PLXNC1: variants seen among roughly 807,000 people sequenced by gnomAD.
PLXNC1 encodes plexin C1.
A neutral mutation model predicts 178.2 loss-of-function variants in PLXNC1; 75 were observed. The observed-to-expected ratio is 0.42, with a 90% confidence interval of 0.35 to 0.51. PLXNC1 has a LOEUF of 0.51. PLXNC1 is among the 20% of genes least tolerant of loss of function. The pLI is 0.02. For missense variants in PLXNC1, 1,503 were observed against 1,984.4 expected (o/e 0.76, Z 4.61); for synonymous variants, 790 against 779.9 (o/e 1.01, Z -0.22).
At chr12:94,271,781 T>A (rs2136107558) in intron 21 of PLXNC1, among the ~76,000 whole-genome samples, 1 of 152,360 alleles carries the variant, frequency 6.6e-6, no homozygotes, top group South Asian at 2.1e-4. Flanking sequence ...TGCTTTTCTC[T>A]TGTCTCCTGT....
At chr12:94,206,056 C>T (rs982623498) in intron 4 of PLXNC1, among the ~76,000 whole-genome samples, 1 of 152,270 alleles carries the variant, frequency 6.6e-6, no homozygotes, top group East Asian at 1.9e-4. Flanking sequence ...CCCATCAGTG[C>T]CTGGCACACA....
At chr12:94,286,506 A>G (rs764745278) in intron 23 of PLXNC1, among the ~76,000 whole-genome samples, 8 of 152,068 alleles carry the variant, frequency 5.3e-5, no homozygotes, top group Non-Finnish European at 1.2e-4. Context: ...GTTAAAGAAA[A>G]AATTTTCTCT....
At chr12:94,247,856 G>A in intron 12 of PLXNC1, 47 bp from the exon 13 acceptor site, 1 of 1,549,244 alleles carries the variant, frequency 6.5e-7, no homozygotes, top group Non-Finnish European at 8.9e-7. Context: ...GATCACAGCT[G>A]GGATTCGTTA....
At chr12:94,246,325 C>T (rs542485353) in intron 12 of PLXNC1, among the ~76,000 whole-genome samples, 71 of 152,288 alleles carry the variant, frequency 4.7e-4, no homozygotes, top group African/African-American at 1.5e-3. Flanking sequence ...ACAGTAGCTC[C>T]CTTTGGGCTG....
chr12:94,156,621 G>T (rs1015707705), intron 1 of PLXNC1, among the ~76,000 whole-genome samples: 2 of 151,864 alleles, frequency 1.3e-5, no homozygotes, highest in African/African-American at 4.8e-5. Flanking sequence ...GGGACCACAG[G>T]CGGGTGCTAT....
chr12:94,221,069 C>T (rs978453430), intron 6 of PLXNC1, among the ~76,000 whole-genome samples: 3 of 152,318 alleles, frequency 2.0e-5, no homozygotes, highest in South Asian at 2.1e-4. Flanking sequence ...AAGGTTTAAG[C>T]CGGAGGCTGG....
chr12:94,263,108 T>G (rs1282524610), intron 20 of PLXNC1, among the ~76,000 whole-genome samples: 1 of 152,114 alleles, frequency 6.6e-6, no homozygotes, highest in East Asian at 1.9e-4. Flanking sequence ...CGGCTGTGGC[T>G]CGCCTAAAAG....
intron 27 of PLXNC1, among the ~76,000 whole-genome samples, chr12:94,299,015 GT>G (rs1968205129): frequency 6.6e-6 from 1 of 152,168 alleles, no homozygotes; most frequent in Non-Finnish European, 1.5e-5. Flanking sequence ...AAGATAAACT[GT>G]TATCTTTGGT....
intron 2 of PLXNC1, among the ~76,000 whole-genome samples, chr12:94,176,871 C>T (rs1962067849): frequency 6.6e-6 from 1 of 151,582 alleles, no homozygotes; most frequent in Non-Finnish European, 1.5e-5. Context: ...GATATATGTA[C>T]ATATTTCATA....
intron 1 of PLXNC1, chr12:94,168,148 G>A (rs1241358037): frequency 6.6e-6 from 1 of 152,226 alleles, no homozygotes; most frequent in East Asian, 1.9e-4. Flanking sequence ...GCTTACTGAA[G>A]TTTGCTGGCT....
chr12:94,289,938 G>A (rs1967116229), intron 23 of PLXNC1, among the ~76,000 whole-genome samples: 1 of 152,200 alleles, frequency 6.6e-6, no homozygotes, highest in African/African-American at 2.4e-5. Flanking sequence ...CTTGGTACAA[G>A]CTGTGTCTAT....
chr12:94,192,295 G>A (rs1008085855), intron 4 of PLXNC1, among the ~76,000 whole-genome samples: 1 of 152,036 alleles, frequency 6.6e-6, no homozygotes, highest in African/African-American at 2.4e-5. Context: ...CTTATCAATG[G>A]CCAACATTCA....
At chr12:94,217,855 G>T (rs952805626) in intron 5 of PLXNC1, among the ~76,000 whole-genome samples, 2 of 152,222 alleles carry the variant, frequency 1.3e-5, no homozygotes, top group East Asian at 1.9e-4. Flanking sequence ...ATAGCTGTTT[G>T]GTTCACTGGT....
intron 4 of PLXNC1, among the ~76,000 whole-genome samples, chr12:94,189,524 A>G (rs144251597): frequency 1.3e-5 from 2 of 152,230 alleles, no homozygotes; most frequent in African/African-American, 4.8e-5. Flanking sequence ...TACAAAAAAT[A>G]TGAACATTAG....
chr12:94,267,209 A>G (rs1287606819), intron 21 of PLXNC1, among the ~76,000 whole-genome samples: 1 of 152,224 alleles, frequency 6.6e-6, no homozygotes, highest in Non-Finnish European at 1.5e-5. Flanking sequence ...CAGTCATGAG[A>G]CAACACCGGA....
intron 4 of PLXNC1, among the ~76,000 whole-genome samples, chr12:94,193,255 G>A (rs936815351): frequency 1.3e-5 from 2 of 152,192 alleles, no homozygotes; most frequent in African/African-American, 4.8e-5. Context: ...GTTTTAGAAC[G>A]AGAACTCTGG....
In PLXNC1 at chr12:94,172,835, A is replaced by G. The variant is rs140431783; in HGVS notation, c.1203+3542A>G. Reference sequence around the variant, plus strand: ...GGAAGACGGCATTACCTCCAAAGGTAAGATTTCACTGATAATCTGTGAAGA... The same window carrying G: ...GGAAGACGGCATTACCTCCAAAGGTGAGATTTCACTGATAATCTGTGAAGA... On this transcript the variant is annotated intron_variant, in intron 2 of 30. Transcript: ENST00000258526. Among the ~76,000 whole-genome samples, 244 of 152,332 alleles carry G rather than the reference A, an allele frequency of 1.6e-3. 2 individuals carry two copies. Among genetic ancestry groups the G allele is most frequent in the African/African-American group, 5.6e-3 (233 of 41,570 alleles).
intron 4 of PLXNC1, among the ~76,000 whole-genome samples, chr12:94,187,488 G>C (rs1015464273): frequency 2.0e-5 from 3 of 152,200 alleles, no homozygotes; most frequent in Admixed American, 2.0e-4. Context: ...TGCAGCAAGA[G>C]GAATAATTGC....
chr12:94,234,846 G>T (rs1044451493), intron 9 of PLXNC1, among the ~76,000 whole-genome samples: 3 of 152,196 alleles, frequency 2.0e-5, no homozygotes, highest in Non-Finnish European at 4.4e-5. Flanking sequence ...TATTGAATGT[G>T]TAGAACCTTT....
Sources: gnomAD v4.1 joint callset for allele counts (sites outside exome capture counted in the v4.1 genomes callset) on GRCh38, gnomAD v4.1.1 for gene constraint, MANE v1.5 for transcripts, NCBI Gene and HGNC (gene_info 2026-07-23, HGNC 2026-07-21) for gene names.